Variants in PICALM observed in about 807,000 individuals in gnomAD.
PICALM encodes the protein phosphatidylinositol-binding clathrin assembly protein.
Under a neutral mutation model 80.5 loss-of-function variants are expected in PICALM, and 40 were observed. That is an observed-to-expected ratio of 0.50 (90% CI 0.39 to 0.65). The LOEUF (loss-of-function observed/expected upper bound fraction) is 0.65, where lower values mean the gene tolerates loss of function less well. Ranked by LOEUF, PICALM falls within the 30% of genes least tolerant of loss-of-function variation. The pLI is 0.00. For synonymous variants in PICALM, 288 were observed against 260.3 expected (o/e 1.11, Z -1.02); for missense variants, 676 against 778.9 (o/e 0.87, Z 1.57).
At chr11:85,981,005 T>C in intron 17 of PICALM, 124 bp downstream of exon 17, 6 of 578,268 alleles carry the variant, frequency 1.0e-5, no homozygotes, top group Non-Finnish European at 9.3e-6. Flanking sequence ...GAAATACAAT[T>C]ACTTATACTT....
In PICALM at chr11:85,958,344, TA is replaced by T. The variant is rs1276779777; in HGVS notation, c.*701del. The T allele has an allele frequency of 8.0e-5, 17 of 213,788 alleles. No individual in the cohort carries two copies. Among genetic ancestry groups the T allele is most frequent in the Non-Finnish European group, 1.2e-4 (13 of 105,518 alleles). 13.2% of individuals were successfully genotyped at this position (213,788 alleles called of 1,614,324 possible). A position where few individuals can be genotyped will look rare whatever the true frequency, so the allele number is the denominator to read the frequency against. On this transcript the variant is annotated 3_prime_UTR_variant, in exon 20 of 20. Coordinates refer to ENST00000393346, the MANE Select transcript of PICALM (RefSeq NM_007166.4). ...GAGATTCAGACCTATGGACTTGCCT[TA>T]AAATATTTAGTGCTCTGTATGTCAG...
intron 1 of PICALM, among the ~76,000 whole-genome samples, chr11:86,058,902 T>C (rs1011171283): frequency 7.2e-5 from 11 of 152,200 alleles, no homozygotes; most frequent in African/African-American, 1.9e-4. Flanking sequence ...AAAAATTACA[T>C]TCCTAATTTC....
Position 85,974,732 on chromosome 11 carries a change from G to T in PICALM, c.1920C>A (p.Pro640=). The T allele has an allele frequency of 3.1e-6, 5 of 1,611,860 alleles. No homozygotes were observed. Among genetic ancestry groups the T allele is most frequent in the Non-Finnish European group, 3.4e-6 (4 of 1,178,002 alleles). The change falls in exon 19 of 20, where the codon CCC becomes CCA. Residue 640 remains proline, a synonymous_variant. Coordinates refer to ENST00000393346, the MANE Select transcript of PICALM (RefSeq NM_007166.4). ...CCTGTGCTCCTGATACAGGGCCAAA[G>T]GGGTTTGGAGGTCTCATGACAGGCT... The part of the protein sequence containing the change: ...YSQPVMRPPN[P]FGPVSGAQIQ...
At position 85,993,834 on chromosome 11, in the gene PICALM, C is replaced by A. The variant is rs75122844; in HGVS notation, c.1258+2992G>T. On this transcript the variant is annotated intron_variant, in intron 12 of 19. Transcript: ENST00000393346. The stretch of plus-strand genomic sequence containing the variant: ...AAATGGCACCACAGTCATATTATCG[C>A]CTTTAAGTCCTAAACAACTGATACC... Among the ~76,000 whole-genome samples, 30 of 152,188 alleles carry A rather than the reference C, an allele frequency of 2.0e-4. No homozygotes were observed. The East Asian group carries it at 4.8e-3, about 24-fold the overall frequency.
At chr11:85,987,318 C>T (rs942093016) in intron 13 of PICALM, among the ~76,000 whole-genome samples, 1 of 152,162 alleles carries the variant, frequency 6.6e-6, no homozygotes, top group Non-Finnish European at 1.5e-5. Flanking sequence ...AAGACTTGAA[C>T]CCCCATTTGT....
chr11:86,058,253 CA>C (rs1319414510), intron 1 of PICALM, among the ~76,000 whole-genome samples: 1 of 152,170 alleles, frequency 6.6e-6, no homozygotes, highest in African/African-American at 2.4e-5. Flanking sequence ...CACACCCCCA[CA>C]AAGATGACCC....
chr11:86,004,413 A>T (rs2095231931), intron 8 of PICALM, among the ~76,000 whole-genome samples: 1 of 152,158 alleles, frequency 6.6e-6, no homozygotes, highest in African/African-American at 2.4e-5. Flanking sequence ...AGTGACTGGA[A>T]GGGGGCATAA....
At chr11:86,034,959 G>T (rs561367185) in intron 1 of PICALM, among the ~76,000 whole-genome samples, 1 of 152,126 alleles carries the variant, frequency 6.6e-6, no homozygotes, top group Admixed American at 6.5e-5. Flanking sequence ...ACAGATTAAT[G>T]ACTAGAATTA....
intron 1 of PICALM, among the ~76,000 whole-genome samples, chr11:86,036,423 C>T (rs2095844188): frequency 6.6e-6 from 1 of 152,096 alleles, no homozygotes; most frequent in African/African-American, 2.4e-5. Flanking sequence ...ATATAACTTC[C>T]AGTAGAATTA....
intron 1 of PICALM, among the ~76,000 whole-genome samples, chr11:86,036,252 G>GT (rs1207818315): frequency 1.3e-5 from 2 of 152,082 alleles, no homozygotes; most frequent in African/African-American, 4.8e-5. Flanking sequence ...TTGCCTAGTC[G>GT]TAAGTGTCAA....
intron 1 of PICALM, among the ~76,000 whole-genome samples, chr11:86,058,778 A>C (rs2137594681): frequency 6.6e-6 from 1 of 152,148 alleles, no homozygotes; most frequent in South Asian, 2.1e-4. Context: ...GTACAGTTAT[A>C]CTCTAGGAGG....
chr11:86,053,006 T>C (rs536492768), intron 1 of PICALM, among the ~76,000 whole-genome samples: 119 of 152,330 alleles, frequency 7.8e-4, no homozygotes, highest in Middle Eastern at 3.4e-3. Context: ...TATCTTCCCT[T>C]ATCAAAAGCA....
chr11:85,974,424 A>G (rs774732247), intron 19 of PICALM: 1 of 557,454 alleles, frequency 1.8e-6, no homozygotes, highest in South Asian at 1.4e-5. Context: ...AGAATCACGA[A>G]GAGCAAGTAG....
At chr11:86,014,238 T>C (rs534190897) in intron 5 of PICALM, among the ~76,000 whole-genome samples, 3 of 152,320 alleles carry the variant, frequency 2.0e-5, no homozygotes, top group Non-Finnish European at 4.4e-5. Flanking sequence ...CACAGTTCCA[T>C]TCACTAACTT....
rs2093566403 is a variant in PICALM at position 85,957,523 on chromosome 11, G to C, written c.*1523C>G. Among the ~76,000 whole-genome samples, 1 of 152,076 alleles carries C rather than the reference G, an allele frequency of 6.6e-6. No individual in the cohort carries two copies. Among genetic ancestry groups the C allele is most frequent in the African/African-American group, 2.4e-5 (1 of 41,406 alleles). On this transcript the variant is annotated 3_prime_UTR_variant, in exon 20 of 20. Coordinates refer to ENST00000393346, the MANE Select transcript of PICALM (RefSeq NM_007166.4). ...TACAAGGTAACAAAAAGTGTAAAGA[G>C]ACATCTTTTTGAAAATTCATATAAA...
chr11:86,060,718 A>AC lies in PICALM; in HGVS notation c.130+7932_130+7933insG, dbSNP rs535862159. ...ATCTTTTCAACAAATAGTACTGCAC[A>AC]ACTAGATATCCACAGGCAAAAAAAA... On this transcript the variant is annotated intron_variant, in intron 1 of 19. Coordinates refer to ENST00000393346, the MANE Select transcript of PICALM (RefSeq NM_007166.4). 1.0e-3 allele frequency among the ~76,000 whole-genome samples: 148 copies of AC among 146,426 alleles called. 1 individual carries two copies. Among genetic ancestry groups the AC allele is most frequent in the Admixed American group, 1.8e-3 (26 of 14,148 alleles).
intron 19 of PICALM, among the ~76,000 whole-genome samples, chr11:85,968,909 T>G (rs1172803672): frequency 6.7e-6 from 1 of 148,150 alleles, no homozygotes; most frequent in Admixed American, 6.8e-5. Context: ...TGTTAAACAA[T>G]TCCATGAAAA....
At chr11:86,009,563 G>C (rs575503415) in intron 7 of PICALM, among the ~76,000 whole-genome samples, 4 of 152,162 alleles carry the variant, frequency 2.6e-5, no homozygotes, top group South Asian at 4.1e-4. Flanking sequence ...GTGGTGGCAG[G>C]CACCTGCAAT....
intron 14 of PICALM, among the ~76,000 whole-genome samples, chr11:85,983,278 T>G (rs558078116): frequency 6.6e-6 from 1 of 152,302 alleles, no homozygotes; most frequent in East Asian, 1.9e-4. Context: ...CACTTCAAAT[T>G]AACAAGGTAT....
Sources: allele counts gnomAD v4.1 joint callset (sites outside exome capture counted in the v4.1 genomes callset), GRCh38; gene constraint gnomAD v4.1.1; transcripts MANE v1.5; gene names NCBI Gene and HGNC (gene_info 2026-07-23, HGNC 2026-07-21).